SORBS2: variants seen among roughly 807,000 people sequenced by gnomAD.
SORBS2 encodes sorbin and SH3 domain containing 2.
SORBS2 carries 46 observed loss-of-function variants against 97.7 expected under a neutral mutation model. The observed-to-expected ratio is 0.47, with a 90% CI of 0.37 to 0.60. The LOEUF is 0.60. SORBS2 is among the 20% of genes least tolerant of loss of function. The probability of loss-of-function intolerance (pLI) is 0.00; values close to 1 mark genes in which losing one functional copy is unlikely to be tolerated. For synonymous variants in SORBS2, 476 were observed against 473.4 expected (o/e 1.01, Z -0.07); for missense variants, 1,316 against 1,282.3 (o/e 1.03, Z -0.40).
At chr4:185,740,649 A>G (rs1186257232) in intron 2 of SORBS2, among the ~76,000 whole-genome samples, 2 of 151,860 alleles carry the variant, frequency 1.3e-5, no homozygotes, top group East Asian at 3.9e-4. Context: ...ACTCAGCCCA[A>G]TATTAACTCA....
chr4:185,739,086 G>A (rs1471097552), intron 2 of SORBS2, among the ~76,000 whole-genome samples: 1 of 152,256 alleles, frequency 6.6e-6, no homozygotes, highest in Non-Finnish European at 1.5e-5. Context: ...GCAGCTGAGA[G>A]CTGACTTGTC....
intron 2 of SORBS2, among the ~76,000 whole-genome samples, chr4:185,686,724 A>G (rs1350014138): frequency 6.6e-6 from 1 of 152,266 alleles, no homozygotes; most frequent in Non-Finnish European, 1.5e-5. Flanking sequence ...AATTCTGAAC[A>G]TCTCACAAGC....
intron 1 of SORBS2, among the ~76,000 whole-genome samples, chr4:185,847,876 C>T (rs2099215464): frequency 6.6e-6 from 1 of 152,140 alleles, no homozygotes; most frequent in Admixed American, 6.5e-5. Context: ...GATGGCTAGT[C>T]TCATCAAAGA....
intron 1 of SORBS2, among the ~76,000 whole-genome samples, chr4:185,866,726 C>T (rs937597030): frequency 2.0e-5 from 3 of 152,176 alleles, no homozygotes; most frequent in African/African-American, 7.2e-5. Flanking sequence ...TGAATATTGT[C>T]TTGAAACCTC....
intron 1 of SORBS2, among the ~76,000 whole-genome samples, chr4:185,782,769 CAGGAGAGATA>C (rs1378864988): frequency 8.0e-6 from 1 of 124,906 alleles, no homozygotes; most frequent in East Asian, 2.0e-4. Flanking sequence ...GTCATGTCAA[CAGGAGAGATA>C]AGGAGAGTTT....
chr4:185,623,938 C>T lies in SORBS2; in HGVS notation c.1191G>A (p.Trp397Ter), dbSNP rs1326817524. 3.1e-6 allele frequency: 5 copies of T among 1,614,196 alleles called. No individual in the cohort carries two copies. The highest frequency in any genetic ancestry group is 4.2e-6 in the Non-Finnish European group (5 of 1,180,042). Residue 397 changes from tryptophan (W) to a stop codon, truncating the protein, a stop_gained, in exon 7 of 15, where the codon TGG becomes TGA. Coordinates refer to ENST00000418609, the Ensembl canonical transcript of SORBS2. LOFTEE classifies it high-confidence loss of function. The surrounding 1 kb of genome is among the most constrained non-coding windows in gnomAD (Gnocchi z 6.4). Reference sequence around the variant, plus strand: ...GCACCTCCTCCGTGGAGCACTGGCTCCAGGCGCGCAGCAGGTCCTTGTGCT... The same window carrying T: ...GCACCTCCTCCGTGGAGCACTGGCTTCAGGCGCGCAGCAGGTCCTTGTGCT...
At position 185,684,771 on chromosome 4, in the gene SORBS2, G is replaced by T. The variant is rs2097923069; in HGVS notation, c.-197-5949C>A. On this transcript the variant is annotated intron_variant, in intron 2 of 20. Coordinates refer to the SORBS2 transcript ENST00000284776. The surrounding 1 kb of genome is among the most constrained non-coding windows in gnomAD (Gnocchi z 4.2). Reference sequence around the variant, plus strand: ...TATTATACCTGCAGCCAATAGGTTTGGAGAACTTTGCACTCTCTTCACAGA... The same window carrying T: ...TATTATACCTGCAGCCAATAGGTTTTGAGAACTTTGCACTCTCTTCACAGA... 1 of 1,551,564 alleles carries T rather than the reference G, an allele frequency of 6.4e-7. No homozygotes were observed. Among genetic ancestry groups the T allele is most frequent in the Non-Finnish European group, 8.7e-7 (1 of 1,146,730 alleles).
At chr4:185,657,175 GT>G (rs1327195576), upstream of SORBS2, 1 of 367,184 alleles carries the variant, frequency 2.7e-6, no homozygotes. Flanking sequence ...ACACAACACA[GT>G]TTTACCATTT....
intron 4 of SORBS2, among the ~76,000 whole-genome samples, chr4:185,673,479 G>A (rs1208819146): frequency 6.6e-6 from 1 of 152,102 alleles, no homozygotes; most frequent in African/African-American, 2.4e-5. Context: ...AAGTATTGTT[G>A]AAAATAATAT....
intron 1 of SORBS2, among the ~76,000 whole-genome samples, chr4:185,914,642 T>C (rs2099257091): frequency 6.6e-6 from 1 of 152,362 alleles, no homozygotes; most frequent in South Asian, 2.1e-4. Flanking sequence ...AAAGAATCTA[T>C]GAAGTTAACA....
intron 12 of SORBS2, among the ~76,000 whole-genome samples, chr4:185,610,516 C>A (rs575503550): frequency 2.6e-5 from 4 of 152,216 alleles, no homozygotes; most frequent in African/African-American, 9.6e-5. Flanking sequence ...TTATTTGCAA[C>A]TGAAACTCAG....
At chr4:185,785,251 T>TA (rs1486816896) in intron 1 of SORBS2, among the ~76,000 whole-genome samples, 1 of 152,052 alleles carries the variant, frequency 6.6e-6, no homozygotes. Flanking sequence ...GTAAGAATCT[T>TA]ACTGTGGTTT....
intron 1 of SORBS2, among the ~76,000 whole-genome samples, chr4:185,852,337 C>T (rs72707631): frequency 6.6e-6 from 1 of 152,310 alleles, no homozygotes; most frequent in Non-Finnish European, 1.5e-5. Flanking sequence ...AACCTCAATG[C>T]TACCTCTTAT....
At chr4:185,678,772 T>G in intron 3 of SORBS2, 24 bp downstream of exon 6, 1 of 1,413,360 alleles carries the variant, frequency 7.1e-7, no homozygotes, top group Non-Finnish European at 9.5e-7. Context: ...AATATAATAA[T>G]TATTCAGAAT....
At chr4:185,893,899 C>T (rs761175111) in intron 1 of SORBS2, among the ~76,000 whole-genome samples, 72 of 152,248 alleles carry the variant, frequency 4.7e-4, no homozygotes, top group African/African-American at 1.3e-3. Context: ...CCTTCAGCAG[C>T]GTCAGACTTT....
chr4:185,682,321 T>C (rs2097882792), intron 2 of SORBS2, among the ~76,000 whole-genome samples: 1 of 152,242 alleles, frequency 6.6e-6, no homozygotes, highest in Non-Finnish European at 1.5e-5. Context: ...CAAGGGGTTT[T>C]GGTGAAATAA....
At chr4:185,883,834 C>G (rs2099238040) in intron 1 of SORBS2, among the ~76,000 whole-genome samples, 1 of 152,136 alleles carries the variant, frequency 6.6e-6, no homozygotes, top group Non-Finnish European at 1.5e-5. Context: ...GATGACAGAG[C>G]AAGACCGTAT....
intron 14 of SORBS2, among the ~76,000 whole-genome samples, chr4:185,589,455 T>C (rs1270712292): frequency 1.3e-5 from 2 of 152,140 alleles, no homozygotes; most frequent in African/African-American, 4.8e-5. Context: ...CTCAGTTGAG[T>C]TGGAAATAAA....
intron 11 of SORBS2, among the ~76,000 whole-genome samples, chr4:185,612,720 C>A (rs1173869044): frequency 6.6e-6 from 1 of 152,122 alleles, no homozygotes; most frequent in African/African-American, 2.4e-5. Flanking sequence ...CAACTCCTGA[C>A]CTCAAGTGAT....
Sources: gnomAD v4.1 joint callset for allele counts (sites outside exome capture counted in the v4.1 genomes callset) on GRCh38, gnomAD v4.1.1 for gene constraint, Gnocchi (gnomAD v3.1) non-coding constraint, MANE v1.5 for transcripts, NCBI Gene and HGNC (gene_info 2026-07-23, HGNC 2026-07-21) for gene names.